Variants in C1orf198 observed in about 807,000 individuals in gnomAD.
C1orf198 encodes uncharacterized protein C1orf198.
In C1orf198, 17 loss-of-function variants were observed where a neutral mutation model predicts 31.4. That is an observed-to-expected ratio of 0.54 (90% CI 0.37 to 0.81). The LOEUF (loss-of-function observed/expected upper bound fraction) is 0.81. C1orf198 is among the 40% of genes least tolerant of loss of function. The pLI is 0.00. For missense variants in C1orf198, 401 were observed against 450.3 expected (o/e 0.89, Z 0.99); for synonymous variants, 175 against 193.8 (o/e 0.90, Z 0.81).
At position 230,840,582 on chromosome 1, in the gene C1orf198, C is replaced by A. The variant is rs1669414539; in HGVS notation, c.928-674G>T. On this transcript the variant is annotated intron_variant, in intron 3 of 3. Transcript: ENST00000366663. This position sits in a 1 kb window ranked among gnomAD's most constrained non-coding sequence, Gnocchi z 4.0. The stretch of plus-strand genomic sequence containing the variant: ...GTCCCCTCTTGTGAGCATGGGCTGT[C>A]TCAAGCTGCTGCTGTTTTCATAAAA... 6.6e-6 allele frequency among the ~76,000 whole-genome samples: 1 copy of A among 152,208 alleles called. No individual in the cohort carries two copies. The highest frequency in any genetic ancestry group is 2.4e-5 in the African/African-American group (1 of 41,456).
intron 1 of C1orf198, 29 bp from the exon 2 acceptor site, chr1:230,855,747 A>G (rs927101859): frequency 6.2e-7 from 1 of 1,612,526 alleles, no homozygotes; most frequent in African/African-American, 1.3e-5. Flanking sequence ...AATAAGTCTG[A>G]AATTCAAACC....
At chr1:230,842,528 G>A (rs1266772333) in intron 3 of C1orf198, among the ~76,000 whole-genome samples, 1 of 152,086 alleles carries the variant, frequency 6.6e-6, no homozygotes, top group African/African-American at 2.4e-5. Context: ...ACTCATAAGT[G>A]GGAGCTAAGC....
At chr1:230,847,015 A>G (rs1268182338) in intron 2 of C1orf198, among the ~76,000 whole-genome samples, 2 of 148,002 alleles carry the variant, frequency 1.4e-5, no homozygotes, top group African/African-American at 2.5e-5. Flanking sequence ...AGGCAGGAGA[A>G]TGGCGTGAAC....
chr1:230,862,490 T>C (rs1480367617), intron 1 of C1orf198, among the ~76,000 whole-genome samples: 3 of 152,190 alleles, frequency 2.0e-5, no homozygotes, highest in Non-Finnish European at 4.4e-5. Context: ...ATTGGATAAG[T>C]AAACTGTGAT....
chr1:230,850,237 C>T (rs1669705659), intron 2 of C1orf198, among the ~76,000 whole-genome samples: 1 of 152,224 alleles, frequency 6.6e-6, no homozygotes, highest in Admixed American at 6.5e-5. Flanking sequence ...CTGGAAGCTG[C>T]ATAGGGCTTA....
At chr1:230,868,112 G>T (rs992274753) in intron 1 of C1orf198, 68 bp downstream of exon 1, 398 of 1,310,652 alleles carry the variant, frequency 3.0e-4, no homozygotes, top group Non-Finnish European at 3.7e-4. Context: ...GCCGGCAGGT[G>T]CCCACCGGGC....
rs559041421 is a variant in C1orf198 at position 230,850,744 on chromosome 1, C to T, written c.384+4924G>A. ...GGGGTCTCGGTGAGAAGCACAGAGA[C>T]CAAGTTGCGGGTGGGTGGATGCAGC... On this transcript the variant is annotated intron_variant, in intron 2 of 3. Transcript: ENST00000366663. Among the ~76,000 whole-genome samples, 15 of 151,888 alleles carry T rather than the reference C, an allele frequency of 9.9e-5. No homozygotes were observed. The East Asian group carries it at 2.3e-3, about 24-fold the overall frequency.
intron 2 of C1orf198, among the ~76,000 whole-genome samples, chr1:230,854,306 A>T (rs928449568): frequency 6.6e-6 from 1 of 152,116 alleles, no homozygotes; most frequent in Admixed American, 6.5e-5. Context: ...ACTTCTCACA[A>T]TTACCCATTT....
At chr1:230,868,586 C>A, upstream of C1orf198, 1 of 1,075,940 alleles carries the variant, frequency 9.3e-7, no homozygotes, top group Non-Finnish European at 1.1e-6. Context: ...CCCGCGCCAC[C>A]CGGAGCCCCG....
intron 1 of C1orf198, among the ~76,000 whole-genome samples, chr1:230,862,401 C>T (rs536569611): frequency 1.3e-5 from 2 of 152,170 alleles, no homozygotes; most frequent in African/African-American, 4.8e-5. Context: ...TGAAGACTTA[C>T]GTCCACACAA....
rs999532602 is a variant in C1orf198 at position 230,837,892 on chromosome 1, G to A, written c.*1960C>T. 2 of 152,172 alleles carry A rather than the reference G, an allele frequency of 1.3e-5. No homozygotes were observed. Among genetic ancestry groups the A allele is most frequent in the Admixed American group, 1.3e-4 (2 of 15,282 alleles). The allele number at this position is 152,172 out of a possible 1,614,324, so 9.4% of individuals were successfully genotyped here. On this transcript the variant is annotated 3_prime_UTR_variant, in exon 4 of 4. Transcript: ENST00000366663. ...CCTCAGCACCAAGAAGAACTTGGAG[G>A]GAATATTGGGCTTGTTGAGAAAGTG...
rs1384910992 is a variant in C1orf198, at chr1:230,840,774, C to A, written c.928-866G>T. Among the ~76,000 whole-genome samples, 1 of 152,208 alleles carries A rather than the reference C, an allele frequency of 6.6e-6. No individual in the cohort carries two copies. Among genetic ancestry groups the A allele is most frequent in the Non-Finnish European group, 1.5e-5 (1 of 68,046 alleles). On this transcript the variant is annotated intron_variant, in intron 3 of 3. Coordinates refer to ENST00000366663, the MANE Select transcript of C1orf198 (RefSeq NM_032800.3). The surrounding 1 kb of genome is among the most constrained non-coding windows in gnomAD (Gnocchi z 4.0). ...GAAAATGCATACATGGCGGCAAGAG[C>A]AGGCAATGGGCTAATGGGCTTGCCC...
chr1:230,868,852 C>A (rs1013676565), upstream of C1orf198: 66 of 156,714 alleles, frequency 4.2e-4, no homozygotes, highest in African/African-American at 1.5e-3. Context: ...AGTCCGCGCC[C>A]GGCGCTCTGA....
intron 1 of C1orf198, among the ~76,000 whole-genome samples, chr1:230,862,227 G>C (rs1248591990): frequency 2.0e-5 from 3 of 152,236 alleles, no homozygotes; most frequent in Non-Finnish European, 2.9e-5. Context: ...TGTTGTCACT[G>C]ATAATGACAG....
intron 2 of C1orf198, among the ~76,000 whole-genome samples, chr1:230,849,109 T>C (rs1669665849): frequency 6.6e-6 from 1 of 152,252 alleles, no homozygotes; most frequent in Admixed American, 6.5e-5. Context: ...TACTGCTTTT[T>C]GCTTCGGTGA....
At position 230,843,045 on chromosome 1, in the gene C1orf198, C is replaced by A. The variant is rs1669486731; in HGVS notation, c.927+309G>T. On this transcript the variant is annotated intron_variant, in intron 3 of 3. Transcript: ENST00000366663. The surrounding 1 kb of genome is among the most constrained non-coding windows in gnomAD (Gnocchi z 4.9). ...CCAACACAGCTTTGAGCTGTGACAG[C>A]CCTGGGCGCAGCGCCTTCCAGGGGC... is the stretch of plus-strand genomic sequence containing the variant. Among the ~76,000 whole-genome samples, 1 of 152,264 alleles carries A rather than the reference C, an allele frequency of 6.6e-6. No homozygotes were observed. Among genetic ancestry groups the A allele is most frequent in the Non-Finnish European group, 1.5e-5 (1 of 68,050 alleles).
intron 2 of C1orf198, among the ~76,000 whole-genome samples, chr1:230,846,140 G>C (rs1669583881): frequency 6.6e-6 from 1 of 152,182 alleles, no homozygotes; most frequent in Non-Finnish European, 1.5e-5. Flanking sequence ...TCTTTAGACA[G>C]ATTTCTAGAA....
chr1:230,856,928 T>C (rs1174646263), intron 1 of C1orf198, among the ~76,000 whole-genome samples: 1 of 152,178 alleles, frequency 6.6e-6, no homozygotes, highest in African/African-American at 2.4e-5. Flanking sequence ...GGCAAACCAG[T>C]TCTGCCCACA....
intron 1 of C1orf198, among the ~76,000 whole-genome samples, chr1:230,863,457 T>C (rs1670043277): frequency 6.6e-6 from 1 of 152,250 alleles, no homozygotes; most frequent in African/African-American, 2.4e-5. Context: ...ATCCCTTGCT[T>C]AGAGTGTAAA....
Sources: allele counts gnomAD v4.1 joint callset (sites outside exome capture counted in the v4.1 genomes callset), GRCh38; gene constraint gnomAD v4.1.1; non-coding constraint Gnocchi (gnomAD v3.1); transcripts MANE v1.5; gene names NCBI Gene and HGNC (gene_info 2026-07-23, HGNC 2026-07-21).